The following SUGCT variants were observed in gnomAD, a reference collection of about 807,000 sequenced individuals.
SUGCT encodes the protein succinyl-CoA:glutarate CoA-transferase.
Under a neutral mutation model 55.0 loss-of-function variants are expected in SUGCT, and 41 were observed. The observed-to-expected ratio is 0.74, with a 90% confidence interval of 0.58 to 0.97. The LOEUF (loss-of-function observed/expected upper bound fraction) is 0.97, where lower values mean the gene tolerates loss of function less well. SUGCT is among the 50% of genes least tolerant of loss of function. The pLI, the probability that SUGCT is intolerant of heterozygous loss-of-function variation, is 0.00. For synonymous variants in SUGCT, 187 were observed against 200.4 expected, an observed-to-expected ratio of 0.93 and a Z score of 0.56; for missense variants, 568 against 547.8, an observed-to-expected ratio of 1.04 and a Z score of -0.37.
intron 12 of SUGCT, among the ~76,000 whole-genome samples, chr7:40,693,150 A>T (rs1427367305): frequency 6.6e-6 from 1 of 152,174 alleles, no homozygotes; most frequent in African/African-American, 2.4e-5. Flanking sequence ...TTCTCTTCAC[A>T]GTCATTTCCC....
At chr7:40,930,024 G>T in the SUGCT span, among the ~76,000 whole-genome samples, 31 of 152,074 alleles carry the variant, frequency 2.0e-4, no homozygotes, top group Non-Finnish European at 4.0e-4. Context: ...GTATTGCCTA[G>T]GTTTTCTTCT....
chr7:40,245,362 A>T (rs796251152), intron 7 of SUGCT, among the ~76,000 whole-genome samples: 19 of 128,514 alleles, frequency 1.5e-4, no homozygotes, highest in African/African-American at 5.5e-4. Flanking sequence ...CCTGGCCATG[A>T]ACTTTTTTTT....
chr7:40,608,481 G>A (rs1297296984), intron 12 of SUGCT, among the ~76,000 whole-genome samples: 1 of 152,076 alleles, frequency 6.6e-6, no homozygotes, highest in Non-Finnish European at 1.5e-5. Context: ...ATGATATTTT[G>A]TTACATTTCA....
At chr7:40,939,358 G>C in the SUGCT span, among the ~76,000 whole-genome samples, 135,906 of 152,232 alleles carry the variant, frequency 0.89, 60,923 homozygotes, top group African/African-American at 0.97. Flanking sequence ...TATGGGTGTA[G>C]AATTCAAGAT....
the SUGCT span, among the ~76,000 whole-genome samples, chr7:41,008,039 T>C: frequency 5.9e-5 from 9 of 152,320 alleles, no homozygotes; most frequent in Admixed American, 2.0e-4. Context: ...GCTGTGACTC[T>C]GGCTGCTTAG....
At chr7:40,569,973 G>C (rs1199866528) in intron 12 of SUGCT, among the ~76,000 whole-genome samples, 1 of 152,136 alleles carries the variant, frequency 6.6e-6, no homozygotes, top group Non-Finnish European at 1.5e-5. Context: ...ATGATATGTA[G>C]CTTGCTACCA....
chr7:40,277,203 C>CT lies in SUGCT; in HGVS notation c.720+2554dup, dbSNP rs1374740715. Among the ~76,000 whole-genome samples, 3 of 152,154 alleles carry CT rather than the reference C, an allele frequency of 2.0e-5. No individual in the cohort carries two copies. In the East Asian group the frequency reaches 5.8e-4, roughly 29 times the overall value. On this transcript the variant is annotated intron_variant, in intron 8 of 13. Transcript: ENST00000335693. ...TATTTCAGTCTCATTAACTATCTTT[C>CT]TTTTTTTCTTTTTCTGTCGCCCAGG...
chr7:40,706,448 G>A (rs1395699294), intron 12 of SUGCT, among the ~76,000 whole-genome samples: 1 of 152,224 alleles, frequency 6.6e-6, no homozygotes, highest in Non-Finnish European at 1.5e-5. Flanking sequence ...AGAGGTTGCA[G>A]TGAGCCAAGA....
intron 6 of SUGCT, among the ~76,000 whole-genome samples, chr7:40,195,552 C>T (rs572635523): frequency 2.0e-5 from 3 of 151,750 alleles, no homozygotes; most frequent in African/African-American, 7.3e-5. Flanking sequence ...GAAACATTAA[C>T]CTAAATGAAT....
At chr7:40,826,778 G>C (rs1280130656) in intron 13 of SUGCT, among the ~76,000 whole-genome samples, 2 of 152,170 alleles carry the variant, frequency 1.3e-5, no homozygotes, top group Non-Finnish European at 2.9e-5. Flanking sequence ...TGGGTGCCCT[G>C]TATTTCCACT....
At chr7:40,833,079 T>G (rs976030522) in intron 13 of SUGCT, among the ~76,000 whole-genome samples, 3 of 152,126 alleles carry the variant, frequency 2.0e-5, no homozygotes, top group Non-Finnish European at 4.4e-5. Context: ...CTCTAGATTT[T>G]TTTTTTCAGC....
chr7:40,818,536 T>A (rs753960630), intron 13 of SUGCT, among the ~76,000 whole-genome samples: 5 of 152,226 alleles, frequency 3.3e-5, no homozygotes, highest in African/African-American at 4.8e-5. Flanking sequence ...AGATGCTTCA[T>A]GTTTTAAAGC....
intron 13 of SUGCT, among the ~76,000 whole-genome samples, chr7:40,763,899 G>T (rs1788654813): frequency 1.3e-5 from 2 of 152,114 alleles, no homozygotes; most frequent in African/African-American, 2.4e-5. Context: ...AGGAAGGGGG[G>T]AATGGGGCCA....
chr7:40,985,639 A>C, the SUGCT span, among the ~76,000 whole-genome samples: 1 of 152,182 alleles, frequency 6.6e-6, no homozygotes, highest in South Asian at 2.1e-4. Flanking sequence ...ATTGTGAATT[A>C]CACAGAAAGG....
chr7:40,673,865 T>G (rs1303588258), intron 12 of SUGCT, among the ~76,000 whole-genome samples: 1 of 152,212 alleles, frequency 6.6e-6, no homozygotes, highest in East Asian at 1.9e-4. Flanking sequence ...TCAATAATTC[T>G]TCCCTCAATT....
At chr7:40,366,065 G>T (rs1316822517) in intron 9 of SUGCT, among the ~76,000 whole-genome samples, 1 of 152,136 alleles carries the variant, frequency 6.6e-6, no homozygotes, top group Non-Finnish European at 1.5e-5. Context: ...CCAAAACAGA[G>T]ATATAGATCA....
chr7:41,028,910 T>A, the SUGCT span, among the ~76,000 whole-genome samples: 4,132 of 152,256 alleles, frequency 0.027, 186 homozygotes, highest in African/African-American at 0.092. Context: ...CTTGTTGAAG[T>A]GTTAAGTGTT....
chr7:40,580,966 G>T (rs985460449), intron 12 of SUGCT, among the ~76,000 whole-genome samples: 1 of 152,094 alleles, frequency 6.6e-6, no homozygotes, highest in African/African-American at 2.4e-5. Context: ...GCCTAACAAC[G>T]CATTTTTCAG....
At chr7:40,771,285 G>A (rs1261322419) in intron 13 of SUGCT, among the ~76,000 whole-genome samples, 2 of 152,082 alleles carry the variant, frequency 1.3e-5, no homozygotes, top group Non-Finnish European at 2.9e-5. Flanking sequence ...TTAAAATGCA[G>A]CAGATTGTGT....
Sources: allele counts gnomAD v4.1 joint callset (sites outside exome capture counted in the v4.1 genomes callset), GRCh38; gene constraint gnomAD v4.1.1; transcripts MANE v1.5; gene names NCBI Gene and HGNC (gene_info 2026-07-23, HGNC 2026-07-21).